PHLDB2: variants seen among roughly 807,000 people sequenced by gnomAD.
PHLDB2 encodes pleckstrin homology like domain family B member 2.
In PHLDB2, 71 loss-of-function variants were observed where a neutral mutation model predicts 123.6. The ratio of observed to expected loss-of-function variants is 0.57; its 90% CI spans 0.47 to 0.70. The LOEUF (loss-of-function observed/expected upper bound fraction) is 0.70. Among genes scored for constraint, PHLDB2 ranks in the 30% least tolerant of loss-of-function variants. The probability of loss-of-function intolerance (pLI) is 0.00; values close to 1 mark genes in which losing one functional copy is unlikely to be tolerated. For synonymous variants in PHLDB2, 547 were observed against 541.6 expected (o/e 1.01, Z -0.14); for missense variants, 1,446 against 1,519.5 (o/e 0.95, Z 0.80).
At chr3:111,921,898 G>A (rs911080255) in intron 5 of PHLDB2, among the ~76,000 whole-genome samples, 4 of 152,242 alleles carry the variant, frequency 2.6e-5, no homozygotes, top group East Asian at 1.9e-4. Flanking sequence ...CGCCGCGCCC[G>A]GCCCAAACTT....
Position 111,830,975 on chromosome 3 carries a change from A to G in PHLDB2, c.-48-14846A>G, listed in dbSNP as rs1272715559. Among the ~76,000 whole-genome samples the G allele has an allele frequency of 1.3e-3, 59 of 45,924 alleles. 1 individual carries two copies. Among genetic ancestry groups the G allele is most frequent in the South Asian group, 4.1e-3 (6 of 1,476 alleles). The allele number at this position is 45,924 out of a possible 152,430, so 30.1% of individuals were successfully genotyped here. On this transcript the variant is annotated intron_variant, in intron 1 of 17. Coordinates refer to the PHLDB2 transcript ENST00000393923. ...AGAAAGAGAAAGAAAGAAAGAAAGA[A>G]AGAAAGAAAGAAAGAAAGAAAGAAA...
Position 111,859,546 on chromosome 3 carries a change from G to A in PHLDB2, c.-45G>A, listed in dbSNP as rs1046031016. On this transcript the variant is annotated 5_prime_UTR_variant, in exon 1 of 18. Coordinates refer to ENST00000431670, the MANE Select transcript of PHLDB2 (RefSeq NM_001134438.2). ...GCAAGGAGCGCGCCTGCCTTCTCTC[G>A]CCGCCGGGAACGGGCTGCACCAATG... The A allele has an allele frequency of 8.1e-6, 8 of 985,566 alleles. No individual in the cohort carries two copies. The East Asian group carries it at 3.4e-4, about 42-fold the overall frequency. The allele number at this position is 985,566 out of a possible 1,614,324, so 61.1% of individuals were successfully genotyped here. A position where few individuals can be genotyped will look rare whatever the true frequency, so the allele number is the denominator to read the frequency against.
intron 2 of PHLDB2, among the ~76,000 whole-genome samples, chr3:111,894,449 T>C (rs896655170): frequency 6.6e-6 from 1 of 151,908 alleles, no homozygotes; most frequent in Admixed American, 6.6e-5. Context: ...CTGGGTCAAA[T>C]GGTATTTCTA....
chr3:111,947,126 A>G (rs1292739727), intron 9 of PHLDB2, among the ~76,000 whole-genome samples: 2 of 152,196 alleles, frequency 1.3e-5, no homozygotes, highest in South Asian at 2.1e-4. Context: ...TTAAGAGGGA[A>G]GATTTGGAGT....
At chr3:111,857,677 G>A (rs539764366), upstream of PHLDB2, among the ~76,000 whole-genome samples, 4 of 152,050 alleles carry the variant, frequency 2.6e-5, no homozygotes, top group Non-Finnish European at 5.9e-5. Flanking sequence ...TAAAAAACCC[G>A]GCATTCCTAA....
At chr3:111,779,082 T>C (rs1157367933) in intron 1 of PHLDB2, among the ~76,000 whole-genome samples, 1 of 152,040 alleles carries the variant, frequency 6.6e-6, no homozygotes, top group Non-Finnish European at 1.5e-5. Flanking sequence ...CTTCGGAGTT[T>C]CTGACTCGGT....
chr3:111,825,210 T>A (rs2108432631), intron 1 of PHLDB2, among the ~76,000 whole-genome samples: 1 of 152,336 alleles, frequency 6.6e-6, no homozygotes, highest in East Asian at 1.9e-4. Context: ...TGAGCAAACA[T>A]ACAAAAGGTT....
At chr3:111,941,066 T>G (rs2069845173) in intron 8 of PHLDB2, among the ~76,000 whole-genome samples, 1 of 152,206 alleles carries the variant, frequency 6.6e-6, no homozygotes, top group Non-Finnish European at 1.5e-5. Flanking sequence ...CTCTAGTTAT[T>G]TGTTCATGGG....
At chr3:111,853,532 G>A (rs1050502990) in intron 2 of PHLDB2, among the ~76,000 whole-genome samples, 8 of 152,116 alleles carry the variant, frequency 5.3e-5, no homozygotes, top group Admixed American at 5.2e-4. Flanking sequence ...TTTTTGTGCT[G>A]TCTGTCCTCT....
At chr3:111,966,471 TG>T in intron 13 of PHLDB2, 141 bp from the exon 14 acceptor site, 1 of 477,284 alleles carries the variant, frequency 2.1e-6, no homozygotes, top group Non-Finnish European at 3.7e-6. Flanking sequence ...TATATATGCT[TG>T]GATTTTGTTA....
chr3:111,808,277 A>G (rs10934110), intron 1 of PHLDB2, among the ~76,000 whole-genome samples: 54,171 of 151,974 alleles, frequency 0.36, 9,999 homozygotes, highest in East Asian at 0.48. Flanking sequence ...CACAGAGACT[A>G]GCTGTACCCA....
chr3:111,782,956 C>T (rs778710128), intron 1 of PHLDB2, among the ~76,000 whole-genome samples: 5 of 151,964 alleles, frequency 3.3e-5, no homozygotes, highest in Non-Finnish European at 5.9e-5. Context: ...GCATACTAAC[C>T]TTATATCACA....
In PHLDB2 at chr3:111,831,996, G is replaced by C. The variant is rs4521192; in HGVS notation, c.-48-13825G>C. On this transcript the variant is annotated intron_variant, in intron 1 of 17. Coordinates refer to the PHLDB2 transcript ENST00000393923. ...CCTAGGACCCAGCAGCAGTAAAAAT[G>C]ATCTGTGGTGCTGCTTCCCATGACA... is the stretch of plus-strand genomic sequence containing the variant. Among the ~76,000 whole-genome samples the C allele has an allele frequency of 7.3e-3, 1,106 of 152,244 alleles. 11 individuals are homozygous for C. The highest frequency in any genetic ancestry group is 0.024 in the African/African-American group (1,017 of 41,554).
chr3:111,861,287 C>T (rs1259552926), intron 1 of PHLDB2, among the ~76,000 whole-genome samples: 1 of 152,188 alleles, frequency 6.6e-6, no homozygotes, highest in African/African-American at 2.4e-5. Flanking sequence ...TCTTGGCTCC[C>T]CTTTCATATC....
intron 1 of PHLDB2, among the ~76,000 whole-genome samples, chr3:111,762,545 G>A (rs2060012625): frequency 6.6e-6 from 1 of 152,148 alleles, no homozygotes; most frequent in African/African-American, 2.4e-5. Context: ...TCTAATCACA[G>A]GCCTCTAAGT....
intron 15 of PHLDB2, 127 bp downstream of exon 15, chr3:111,967,951 A>C (rs2071889391): frequency 2.9e-6 from 1 of 349,148 alleles, no homozygotes; most frequent in East Asian, 5.0e-5. Context: ...TGTAAGGGTT[A>C]AGAGAAGAGT....
rs751091701 is a variant in PHLDB2, at chr3:111,913,711, G to C, written c.1719+9G>C. On this transcript the variant is annotated intron_variant, in intron 3 of 17. Coordinates refer to ENST00000431670, the MANE Select transcript of PHLDB2 (RefSeq NM_001134438.2). ...TAAGTATCCTACCAAAGGTAATGTT[G>C]GCCCAGCAAAGATACTAGGATTTAA... The C allele has an allele frequency of 9.4e-6, 15 of 1,603,994 alleles. No individual in the cohort carries two copies. Among genetic ancestry groups the C allele is most frequent in the Admixed American group, 8.4e-5 (5 of 59,668 alleles).
intron 1 of PHLDB2, among the ~76,000 whole-genome samples, chr3:111,807,949 T>C: frequency 2.1e-5 from 1 of 47,410 alleles, no homozygotes; most frequent in African/African-American, 7.5e-5. Flanking sequence ...GCTGGGTGTT[T>C]TTTTTTTTTT....
intron 16 of PHLDB2, among the ~76,000 whole-genome samples, chr3:111,972,785 A>G (rs2072292038): frequency 6.6e-6 from 1 of 152,192 alleles, no homozygotes; most frequent in Admixed American, 6.5e-5. Flanking sequence ...TTAAAGCTCA[A>G]GCAGATCTTT....
Sources: gnomAD v4.1 joint callset for allele counts (sites outside exome capture counted in the v4.1 genomes callset) on GRCh38, gnomAD v4.1.1 for gene constraint, MANE v1.5 for transcripts, NCBI Gene and HGNC (gene_info 2026-07-23, HGNC 2026-07-21) for gene names.